KSR2: variants seen among roughly 807,000 people sequenced by gnomAD.
KSR2 encodes the protein kinase suppressor of ras 2.
Under a neutral mutation model 107.8 loss-of-function variants are expected in KSR2, and 25 were observed. The ratio of observed to expected loss-of-function variants is 0.23; its 90% CI spans 0.17 to 0.32. The LOEUF is 0.32. Among genes scored for constraint, KSR2 ranks in the 10% least tolerant of loss-of-function variants. KSR2 has a pLI of 1.00. For missense variants in KSR2, 887 were observed against 1,268.9 expected (o/e 0.70, Z 4.57); for synonymous variants, 480 against 507.0 (o/e 0.95, Z 0.71).
chr12:117,962,284 T>C (rs1324851945), intron 1 of KSR2, among the ~76,000 whole-genome samples: 1 of 152,022 alleles, frequency 6.6e-6, no homozygotes, highest in African/African-American at 2.4e-5. Flanking sequence ...TACCTCTACT[T>C]GGCTAGTACT....
chr12:117,574,736 G>A (rs1879159936), intron 7 of KSR2, among the ~76,000 whole-genome samples: 1 of 152,056 alleles, frequency 6.6e-6, no homozygotes, highest in South Asian at 2.1e-4. Flanking sequence ...GATTTGGCAG[G>A]TCTGGAGTGG....
intron 5 of KSR2, among the ~76,000 whole-genome samples, chr12:117,592,999 C>A (rs936941667): frequency 3.3e-5 from 5 of 152,098 alleles, no homozygotes; most frequent in African/African-American, 1.2e-4. Flanking sequence ...CTTCAAATTT[C>A]CCCTTGATAT....
In KSR2 at chr12:117,514,098, G is replaced by A. The variant is rs370007310; in HGVS notation, c.2219+10754C>T. On this transcript the variant is annotated intron_variant, in intron 14 of 19. Coordinates refer to ENST00000339824, the MANE Select transcript of KSR2 (RefSeq NM_173598.6). ...TTTCTGGAACACATGGTAAGGGCCC[G>A]ATGTTGCCCACACTTGCCTTCAAAA... 4.6e-5 allele frequency among the ~76,000 whole-genome samples: 7 copies of A among 152,356 alleles called. No homozygotes were observed. In the South Asian group the frequency reaches 6.2e-4, roughly 14 times the overall value.
intron 1 of KSR2, among the ~76,000 whole-genome samples, chr12:117,908,126 G>A (rs950002243): frequency 2.0e-5 from 3 of 152,108 alleles, no homozygotes; most frequent in African/African-American, 7.2e-5. Flanking sequence ...AAATGAAAAT[G>A]ATTTATATAT....
chr12:117,715,389 C>T (rs73396680), intron 4 of KSR2, among the ~76,000 whole-genome samples: 8,797 of 152,236 alleles, frequency 0.058, 879 homozygotes, highest in African/African-American at 0.2. Flanking sequence ...AACTCAGTCC[C>T]CATTTCAGCT....
intron 5 of KSR2, among the ~76,000 whole-genome samples, chr12:117,657,056 T>C (rs1033190211): frequency 6.9e-6 from 1 of 145,232 alleles, no homozygotes; most frequent in African/African-American, 2.6e-5. Flanking sequence ...TGACTAATAC[T>C]GCGAAACTCT....
chr12:117,627,466 G>A (rs1267103809), intron 5 of KSR2, among the ~76,000 whole-genome samples: 2 of 152,122 alleles, frequency 1.3e-5, no homozygotes, highest in East Asian at 1.9e-4. Flanking sequence ...ATGAAGTCTA[G>A]TTTGGCTGGA....
intron 3 of KSR2, among the ~76,000 whole-genome samples, chr12:117,777,472 G>A (rs932599698): frequency 4.6e-5 from 7 of 152,218 alleles, no homozygotes; most frequent in African/African-American, 1.7e-4. Flanking sequence ...AGGGCAGAAT[G>A]CTGCCCTGTT....
At chr12:117,891,384 C>G (rs2137357632) in intron 1 of KSR2, among the ~76,000 whole-genome samples, 1 of 150,986 alleles carries the variant, frequency 6.6e-6, no homozygotes, top group East Asian at 2.0e-4. Flanking sequence ...TCACTGCACT[C>G]CAGCCTGGAC....
chr12:117,559,041 AGGATGGATGGAT>A (rs59506127), intron 7 of KSR2, among the ~76,000 whole-genome samples: 27 of 145,460 alleles, frequency 1.9e-4, no homozygotes, highest in Middle Eastern at 3.5e-3. Flanking sequence ...GATGGATGGA[AGGATGGATGGAT>A]GGATGGATGG....
chr12:117,564,125 G>A (rs1046491044), intron 7 of KSR2, among the ~76,000 whole-genome samples: 15 of 152,274 alleles, frequency 9.9e-5, no homozygotes, highest in African/African-American at 3.4e-4. Context: ...CTCCATTCCC[G>A]AAGGAGGAAG....
At chr12:117,651,479 G>A (rs1156915606) in intron 5 of KSR2, among the ~76,000 whole-genome samples, 1 of 152,174 alleles carries the variant, frequency 6.6e-6, no homozygotes, top group Non-Finnish European at 1.5e-5. Flanking sequence ...TAAGGGTGTG[G>A]GATAATGGGG....
At chr12:117,798,940 G>C (rs1321179301) in intron 3 of KSR2, among the ~76,000 whole-genome samples, 1 of 152,154 alleles carries the variant, frequency 6.6e-6, no homozygotes, top group Non-Finnish European at 1.5e-5. Flanking sequence ...GCTGCAACAT[G>C]GGTGAACCTT....
At position 117,567,887 on chromosome 12, in the gene KSR2, T is replaced by A. The variant is rs146701552; in HGVS notation, c.1326-9314A>T. ...ACTGAGCATTCTGGTCTCATGTGAG[T>A]TCCCCTGTGGTCTCTTGTTTGAGCC... On this transcript the variant is annotated intron_variant, in intron 7 of 19. Coordinates refer to ENST00000339824, the MANE Select transcript of KSR2 (RefSeq NM_173598.6). 1.2e-3 allele frequency among the ~76,000 whole-genome samples: 178 copies of A among 151,336 alleles called. 1 individual carries two copies. Among genetic ancestry groups the A allele is most frequent in the African/African-American group, 4.1e-3 (166 of 40,734 alleles).
intron 1 of KSR2, among the ~76,000 whole-genome samples, chr12:117,882,070 A>G (rs144998890): frequency 6.6e-6 from 1 of 152,356 alleles, no homozygotes; most frequent in African/African-American, 2.4e-5. Flanking sequence ...TGGCAGTTAG[A>G]GAAGGACAGA....
intron 1 of KSR2, among the ~76,000 whole-genome samples, chr12:117,891,404 G>A (rs926550465): frequency 1.1e-4 from 16 of 147,914 alleles, no homozygotes; most frequent in South Asian, 4.4e-4. Flanking sequence ...CAACAAGAGC[G>A]AGACTCCATC....
intron 1 of KSR2, among the ~76,000 whole-genome samples, chr12:117,933,372 C>T (rs1359204974): frequency 6.6e-6 from 1 of 152,064 alleles, no homozygotes. Context: ...AGGCAGATCA[C>T]GAGGTCAGGA....
At chr12:117,734,769 G>GATGGATGGATGA (rs1247774791) in intron 4 of KSR2, among the ~76,000 whole-genome samples, 1 of 152,102 alleles carries the variant, frequency 6.6e-6, no homozygotes, top group African/African-American at 2.4e-5. Flanking sequence ...TGGATGGATG[G>GATGGATGGATGA]ATGGATGGAA....
intron 8 of KSR2, among the ~76,000 whole-genome samples, chr12:117,556,557 G>A (rs1191576385): frequency 6.6e-5 from 10 of 152,286 alleles, no homozygotes; most frequent in Middle Eastern, 3.4e-3. Flanking sequence ...AACGATCATC[G>A]AAAACCAACT....
Sources: gnomAD v4.1 joint callset for allele counts (sites outside exome capture counted in the v4.1 genomes callset) on GRCh38, gnomAD v4.1.1 for gene constraint, MANE v1.5 for transcripts, NCBI Gene and HGNC (gene_info 2026-07-23, HGNC 2026-07-21) for gene names.